The following SCN9A variants were observed in gnomAD, a reference collection of about 807,000 sequenced individuals.
SCN9A encodes sodium voltage-gated channel alpha subunit 9.
In SCN9A, 131 loss-of-function variants were observed where a neutral mutation model predicts 187.0. The observed-to-expected ratio is 0.70, with a 90% CI of 0.61 to 0.81. SCN9A has a LOEUF of 0.81. Among genes scored for constraint, SCN9A ranks in the 30% least tolerant of loss-of-function variants. SCN9A has a pLI of 0.00. For missense variants in SCN9A, 2,252 were observed against 2,396.6 expected (o/e 0.94, Z 1.26); for synonymous variants, 809 against 808.6 (o/e 1.00, Z -0.01).
At chr2:166,269,792 T>C (rs1312177217) in intron 17 of SCN9A, among the ~76,000 whole-genome samples, 1 of 152,076 alleles carries the variant, frequency 6.6e-6, no homozygotes, top group Non-Finnish European at 1.5e-5. Context: ...AAATAATTCC[T>C]CATAAATGTT....
At chr2:166,313,083 T>G (rs139884364) in intron 1 of SCN9A, among the ~76,000 whole-genome samples, 634 of 58,372 alleles carry the variant, frequency 0.011, 7 homozygotes, top group African/African-American at 0.062. Context: ...GAATAGTAAA[T>G]AATATAATTA....
chr2:166,362,320 A>C (rs565519424), intron 1 of SCN9A, among the ~76,000 whole-genome samples: 1 of 152,056 alleles, frequency 6.6e-6, no homozygotes, highest in Non-Finnish European at 1.5e-5. Flanking sequence ...GGCTGTGATT[A>C]TGGCAAGGTA....
At chr2:166,345,350 G>A (rs1699875119) in intron 1 of SCN9A, among the ~76,000 whole-genome samples, 1 of 151,992 alleles carries the variant, frequency 6.6e-6, no homozygotes, top group African/African-American at 2.4e-5. Flanking sequence ...TGCTACAAAT[G>A]TAATTTTTTC....
chr2:166,334,233 A>T (rs563204921), intron 1 of SCN9A, among the ~76,000 whole-genome samples: 2 of 152,232 alleles, frequency 1.3e-5, no homozygotes, highest in African/African-American at 4.8e-5. Context: ...AACGAATGCC[A>T]ACAAAATTAC....
chr2:166,248,300 T>C (rs1695882725), intron 18 of SCN9A: 1 of 152,158 alleles, frequency 6.6e-6, no homozygotes, highest in African/African-American at 2.4e-5. Flanking sequence ...TTCATGATTC[T>C]TCATTCTGAC....
rs201976744 is a variant in SCN9A at position 166,284,846 on chromosome 2, C to T, written c.1603-22G>A. On this transcript the variant is annotated intron_variant, in intron 11 of 26. Coordinates refer to ENST00000642356, the MANE Select transcript of SCN9A (RefSeq NM_001365536.1). Reference sequence around the variant, plus strand: ...GTGACTGCAGAAAAATTAAAAAAAACGTGGTTGCTGAAGCACCTACTGATA... The same window carrying T: ...GTGACTGCAGAAAAATTAAAAAAAATGTGGTTGCTGAAGCACCTACTGATA... 19 of 1,565,394 alleles carry T rather than the reference C, an allele frequency of 1.2e-5. No individual in the cohort carries two copies. In the South Asian group the frequency reaches 2.1e-4, roughly 17 times the overall value.
chr2:166,278,553 C>T (rs1225675336), intron 14 of SCN9A, among the ~76,000 whole-genome samples: 1 of 152,116 alleles, frequency 6.6e-6, no homozygotes, highest in African/African-American at 2.4e-5. Flanking sequence ...CATTTTTAGA[C>T]AGCATTTTAG....
At position 166,272,685 on chromosome 2, in the gene SCN9A, C is replaced by T; in HGVS notation, c.3065G>A (p.Arg1022Lys). The change falls in exon 17 of 27, where the codon AGG becomes AAG. Residue 1022 changes from arginine to lysine, a missense_variant. By Grantham distance (26) the Arg-to-Lys change is conservative. Coordinates refer to ENST00000642356, the MANE Select transcript of SCN9A (RefSeq NM_001365536.1). ...CAGATCTTCTGCTTGTCTTATCTCC[C>T]TGGAAATCTTTGGCTTTTTGGAAAA... ...KAFSKKPKIS[R>K]EIRQAEDLNT... The T allele has an allele frequency of 6.2e-7, 1 of 1,603,302 alleles. No individual in the cohort carries two copies. The highest frequency in any genetic ancestry group is 8.5e-7 in the Non-Finnish European group (1 of 1,174,724).
intron 17 of SCN9A, among the ~76,000 whole-genome samples, chr2:166,266,493 G>A (rs1202790662): frequency 6.6e-6 from 1 of 150,706 alleles, no homozygotes; most frequent in African/African-American, 2.4e-5. Context: ...GTCAGTTAGT[G>A]TGAAGCCATC....
chr2:166,235,368 C>T (rs1408595888), intron 20 of SCN9A, among the ~76,000 whole-genome samples: 1 of 152,088 alleles, frequency 6.6e-6, no homozygotes, highest in African/African-American at 2.4e-5. Context: ...AAATATACGC[C>T]TGTACTGAAG....
At chr2:166,246,568 A>G (rs972555664) in intron 18 of SCN9A, among the ~76,000 whole-genome samples, 2 of 152,092 alleles carry the variant, frequency 1.3e-5, no homozygotes, top group African/African-American at 4.8e-5. Context: ...AGCGAAAAAA[A>G]TGAGATGAAT....
intron 10 of SCN9A, among the ~76,000 whole-genome samples, chr2:166,287,219 AAAG>A (rs1257485433): frequency 1.4e-3 from 212 of 152,250 alleles, no homozygotes; most frequent in African/African-American, 4.8e-3. Flanking sequence ...CATGGGAAAT[AAAG>A]ATATAAATGA....
rs557050535 is a variant in SCN9A at position 166,368,147 on chromosome 2, G to A, written c.-51+7550C>T. On this transcript the variant is annotated intron_variant, in intron 1 of 26. Transcript: ENST00000642356. ...GTAACCATTGTGAGTCTTTGGAAAG[G>A]TTAGGTAATTTCTGAGCCTTAGTGT... Among the ~76,000 whole-genome samples the A allele has an allele frequency of 2.6e-5, 4 of 152,264 alleles. No individual in the cohort carries two copies. The South Asian group carries it at 8.3e-4, about 32-fold the overall frequency.
intron 8 of SCN9A, among the ~76,000 whole-genome samples, chr2:166,293,827 T>G (rs1159631801): frequency 6.6e-6 from 1 of 152,202 alleles, no homozygotes; most frequent in Non-Finnish European, 1.5e-5. Context: ...GAGTCAATAA[T>G]AGTCAAAATA....
At chr2:166,336,677 C>T (rs934685986) in intron 1 of SCN9A, among the ~76,000 whole-genome samples, 1 of 152,054 alleles carries the variant, frequency 6.6e-6, no homozygotes, top group African/African-American at 2.4e-5. Context: ...GAGAGGCTGG[C>T]TGGGTTTTTA....
At position 166,228,983 on chromosome 2, in the gene SCN9A, A is replaced by C. The variant is rs752568831; in HGVS notation, c.3925-11T>G. ...TGCATTCACAACGACCTAGTATTCA[A>C]AAGAAAGAAAAGCATGATTAGGATT... On this transcript the variant is annotated splice_polypyrimidine_tract_variant and intron_variant, in intron 21 of 26. Transcript: ENST00000642356. 1.9e-6 allele frequency: 3 copies of C among 1,600,274 alleles called. No homozygotes were observed. Among genetic ancestry groups the C allele is most frequent in the Non-Finnish European group, 1.7e-6 (2 of 1,169,458 alleles).
In SCN9A at chr2:166,293,068, C is replaced by G. The variant is rs1218723051; in HGVS notation, c.1107+163G>C. 2.0e-5 allele frequency among the ~76,000 whole-genome samples: 3 copies of G among 152,220 alleles called. 1 individual carries two copies. The South Asian group carries it at 6.2e-4, about 32-fold the overall frequency. Reference sequence around the variant, plus strand: ...AATTATTTATGATTCGAGAACTACCCATATTATTAGTGATGGGAGTAAAAC... The same window carrying G: ...AATTATTTATGATTCGAGAACTACCGATATTATTAGTGATGGGAGTAAAAC... On this transcript the variant is annotated intron_variant, in intron 9 of 26. Transcript: ENST00000642356.
Position 166,222,683 on chromosome 2 carries a change from A to G in SCN9A, c.4398+3884T>C, listed in dbSNP as rs559464948. Among the ~76,000 whole-genome samples the G allele has an allele frequency of 2.3e-4, 34 of 145,208 alleles. 1 individual carries two copies. The South Asian group carries it at 5.9e-3, about 25-fold the overall frequency. The stretch of plus-strand genomic sequence containing the variant: ...CGTGGTGGCTCACGCCTGTAATCCC[A>G]GCACTTTGGGAGGCCGAGACGGGCG... On this transcript the variant is annotated intron_variant, in intron 24 of 26. Coordinates refer to ENST00000642356, the MANE Select transcript of SCN9A (RefSeq NM_001365536.1).
In SCN9A at chr2:166,228,684, CA is replaced by C. The variant is rs1375669515; in HGVS notation, c.4206+6del. The C allele has an allele frequency of 6.2e-7, 1 of 1,603,090 alleles. No homozygotes were observed. The highest frequency in any genetic ancestry group is 1.7e-5 in the Admixed American group (1 of 59,488). On this transcript the variant is annotated splice_donor_region_variant and intron_variant, in intron 22 of 26. Transcript: ENST00000642356. ...AATACCAAGCACTCATGAAATGGGA[CA>C]CTTACAACTTGAAGCAGAGATAGGT...
Sources: allele counts gnomAD v4.1 joint callset (sites outside exome capture counted in the v4.1 genomes callset), GRCh38; gene constraint gnomAD v4.1.1; transcripts MANE v1.5; gene names NCBI Gene and HGNC (gene_info 2026-07-23, HGNC 2026-07-21).